Variants in ZC4H2 observed in about 807,000 individuals in gnomAD.
ZC4H2 encodes the protein zinc finger C4H2 domain-containing protein.
For missense variants in ZC4H2, 137 were observed against 173.9 expected, an observed-to-expected ratio of 0.79 and a Z score of 1.19; for synonymous variants, 84 against 66.3, an observed-to-expected ratio of 1.27 and a Z score of -1.30.
At chrX:64,921,710 G>T in intron 2 of ZC4H2, 107 bp downstream of exon 2, 1 of 895,974 alleles carries the variant, frequency 1.1e-6, no homozygotes, top group Non-Finnish European at 1.5e-6. Context: ...CTGCACTGAT[G>T]CCTGCTCCCC....
rs780844246 is a variant in ZC4H2 at position 64,976,372 on chromosome X, T to C, written c.6A>G (p.Ala2=). Residue 2 remains alanine, a synonymous_variant, in exon 1 of 5, where the codon GCA becomes GCG. Coordinates refer to ENST00000374839, the MANE Select transcript of ZC4H2 (RefSeq NM_018684.4). M[A]DEQEIMCKLE... is the part of the protein sequence containing the mutation. ...ATTTGCACATGATTTCTTGCTCATC[T>C]GCCATACTTTTCACTGTCAATTTCA... 8.3e-7 allele frequency: 1 copy of C among 1,211,747 alleles called. No individual in the cohort carries two copies. Among genetic ancestry groups the C allele is most frequent in the Non-Finnish European group, 1.1e-6 (1 of 895,202 alleles).
At chrX:65,010,423 G>A (rs970987941) in intron 1 of ZC4H2, among the ~76,000 whole-genome samples, 2 of 112,089 alleles carry the variant, frequency 1.8e-5, no homozygotes, top group East Asian at 2.8e-4. Context: ...GTCACATTAG[G>A]GCTTTTCTCA....
At chrX:64,941,550 A>AT (rs763732741) in intron 1 of ZC4H2, among the ~76,000 whole-genome samples, 1 of 112,013 alleles carries the variant, frequency 8.9e-6, no homozygotes, top group East Asian at 2.8e-4. Flanking sequence ...AGCTCTTATT[A>AT]TTTTGAGATA....
At chrX:64,971,617 T>A (rs1201147239) in intron 1 of ZC4H2, among the ~76,000 whole-genome samples, 3 of 111,616 alleles carry the variant, frequency 2.7e-5, no homozygotes, top group Non-Finnish European at 5.6e-5. Flanking sequence ...CTGAGATTTA[T>A]CTGTGAAACT....
intron 4 of ZC4H2, chrX:64,918,129 A>ACC: frequency 3.1e-6 from 1 of 318,126 alleles, no homozygotes; most frequent in Non-Finnish European, 5.5e-6. Context: ...AAGTAAGGCA[A>ACC]AATGAGAACT....
chrX:65,032,778 C>T (rs73629404), intron 1 of ZC4H2, among the ~76,000 whole-genome samples: 7 of 101,395 alleles, frequency 6.9e-5, no homozygotes, highest in African/African-American at 2.6e-4. Flanking sequence ...TCCTTCCTTC[C>T]TTCTTTCTTT....
intron 1 of ZC4H2, among the ~76,000 whole-genome samples, chrX:64,983,177 T>C (rs2147268754): frequency 8.9e-6 from 1 of 111,843 alleles, no homozygotes; most frequent in South Asian, 3.8e-4. Context: ...TTTTTAGCTA[T>C]CTGACTCAAG....
At chrX:64,931,068 T>C (rs1929719269) in intron 1 of ZC4H2, among the ~76,000 whole-genome samples, 2 of 112,060 alleles carry the variant, frequency 1.8e-5, no homozygotes, top group African/African-American at 6.5e-5. Context: ...GGTTTCTGTT[T>C]CTTCCTGATT....
intron 1 of ZC4H2, among the ~76,000 whole-genome samples, chrX:64,949,783 C>T (rs913939754): frequency 1.8e-5 from 2 of 111,288 alleles, no homozygotes; most frequent in African/African-American, 6.5e-5. Flanking sequence ...TTTTGTTGTA[C>T]TTTTCAAAAA....
chrX:64,977,449 G>T (rs372131729), upstream of ZC4H2, among the ~76,000 whole-genome samples: 2 of 111,873 alleles, frequency 1.8e-5, no homozygotes, highest in Non-Finnish European at 3.8e-5. Context: ...AGACTAAAGG[G>T]TTTGGACTTA....
Position 64,916,578 on chromosome X carries a change from G to C in ZC4H2, c.*1205C>G, listed in dbSNP as rs1267117287. The stretch of plus-strand genomic sequence containing the variant: ...GGAAGGAAAAATATCCCCCTCCCCA[G>C]CCAGGTACTGAGACCTGGGGCTAAA... On this transcript the variant is annotated 3_prime_UTR_variant, in exon 5 of 5. Coordinates refer to ENST00000374839, the MANE Select transcript of ZC4H2 (RefSeq NM_018684.4). The C allele has an allele frequency of 1.8e-5, 2 of 111,886 alleles. No homozygotes were observed. The highest frequency in any genetic ancestry group is 5.6e-4 in the East Asian group (2 of 3,545). 9.2% of individuals were successfully genotyped at this position (111,886 alleles called of 1,213,427 possible).
At chrX:65,010,456 C>T (rs990152206) in intron 1 of ZC4H2, among the ~76,000 whole-genome samples, 1 of 112,182 alleles carries the variant, frequency 8.9e-6, no homozygotes, top group Non-Finnish European at 1.9e-5. Context: ...TAATTCAGGA[C>T]TTTCAAATCT....
chrX:64,998,907 G>A lies in ZC4H2; in HGVS notation c.-272+35722C>T, dbSNP rs190577431. On this transcript the variant is annotated intron_variant, in intron 1 of 4. Transcript: ENST00000337990. ...TTTAAATTGATTTTGTCTGATATTAGCATAACCAATCCTGATCCCTTTGAA... is the reference window on the plus strand; with the variant it reads ...TTTAAATTGATTTTGTCTGATATTAACATAACCAATCCTGATCCCTTTGAA... Among the ~76,000 whole-genome samples, 196 of 109,122 alleles carry A rather than the reference G, an allele frequency of 1.8e-3. 1 individual carries two copies. Among genetic ancestry groups the A allele is most frequent in the African/African-American group, 6.2e-3 (185 of 30,034 alleles). 94.8% of individuals were successfully genotyped at this position (109,122 alleles called of 115,157 possible).
intron 3 of ZC4H2, chrX:64,919,458 G>T: frequency 3.0e-6 from 1 of 336,613 alleles, no homozygotes. Context: ...TCCTTAAAGG[G>T]TATTCAGTCC....
At chrX:64,928,667 T>C (rs192761133) in intron 1 of ZC4H2, among the ~76,000 whole-genome samples, 2 of 97,525 alleles carry the variant, frequency 2.1e-5, no homozygotes, top group Non-Finnish European at 4.3e-5. Flanking sequence ...CTTCTTCTTC[T>C]TCTTCTTCTT....
intron 1 of ZC4H2, among the ~76,000 whole-genome samples, chrX:64,953,261 G>C (rs1038887144): frequency 8.9e-6 from 1 of 111,909 alleles, no homozygotes; most frequent in Admixed American, 9.5e-5. Context: ...ACAGGCATGG[G>C]CAAGGACTTC....
chrX:64,998,796 A>T (rs1167061928), intron 1 of ZC4H2, among the ~76,000 whole-genome samples: 2 of 110,958 alleles, frequency 1.8e-5, no homozygotes, highest in East Asian at 5.6e-4. Context: ...TCCATCATTA[A>T]GTATATAAAT....
At chrX:64,950,686 T>A (rs1930766417) in intron 1 of ZC4H2, among the ~76,000 whole-genome samples, 1 of 111,239 alleles carries the variant, frequency 9.0e-6, no homozygotes, top group Admixed American at 9.6e-5. Context: ...CCTTTTTTGT[T>A]TTCCATTTGC....
intron 1 of ZC4H2, among the ~76,000 whole-genome samples, chrX:64,959,819 C>T (rs1469785666): frequency 9.0e-6 from 1 of 110,811 alleles, no homozygotes; most frequent in African/African-American, 3.3e-5. Context: ...CATGTTTAAG[C>T]ATGATTAAAA....
Sources: allele counts gnomAD v4.1 joint callset (sites outside exome capture counted in the v4.1 genomes callset), GRCh38; gene constraint gnomAD v4.1.1; transcripts MANE v1.5; gene names NCBI Gene and HGNC (gene_info 2026-07-23, HGNC 2026-07-21).